Variants in STAG1 observed in about 807,000 individuals in gnomAD.
The protein encoded by STAG1 is cohesin subunit SA-1.
In STAG1, 26 loss-of-function variants were observed where a neutral mutation model predicts 170.9. That is an observed-to-expected ratio of 0.15 (90% confidence interval 0.11 to 0.21). STAG1 has a LOEUF of 0.21. Among genes scored for constraint, STAG1 ranks in the 10% least tolerant of loss-of-function variants. STAG1 has a pLI of 1.00. For synonymous variants in STAG1, 514 were observed against 497.7 expected, an observed-to-expected ratio of 1.03 and a Z score of -0.44; for missense variants, 964 against 1,509.5, an observed-to-expected ratio of 0.64 and a Z score of 5.99.
At chr3:136,556,944 A>T (rs925528921) in intron 5 of STAG1, among the ~76,000 whole-genome samples, 4 of 152,094 alleles carry the variant, frequency 2.6e-5, no homozygotes, top group Admixed American at 1.3e-4. Context: ...TAGTCAAGAA[A>T]TTTTTTGACC....
At chr3:136,558,958 T>C (rs1273272041) in intron 5 of STAG1, among the ~76,000 whole-genome samples, 1 of 152,278 alleles carries the variant, frequency 6.6e-6, no homozygotes, top group East Asian at 1.9e-4. Context: ...AATTGAACAC[T>C]GGGAAACTTT....
chr3:136,469,664 C>T (rs2107807888), intron 12 of STAG1, among the ~76,000 whole-genome samples: 1 of 152,290 alleles, frequency 6.6e-6, no homozygotes, highest in East Asian at 1.9e-4. Context: ...CAAAAAAGAG[C>T]TTGCATTGCC....
intron 7 of STAG1, among the ~76,000 whole-genome samples, chr3:136,504,552 A>G (rs531987352): frequency 6.6e-6 from 1 of 152,318 alleles, no homozygotes; most frequent in African/African-American, 2.4e-5. Flanking sequence ...CTGTATAAGG[A>G]AAGAGAACAG....
chr3:136,726,163 G>A (rs1468666554), intron 1 of STAG1, among the ~76,000 whole-genome samples: 1 of 152,006 alleles, frequency 6.6e-6, no homozygotes, highest in African/African-American at 2.4e-5. Flanking sequence ...TGACATTTTG[G>A]GCCAATAGTT....
At position 136,363,388 on chromosome 3, in the gene STAG1, G is replaced by C; in HGVS notation, c.2765C>G (p.Thr922Ser). ...RQIDKIQCAK[T>S]LILSLQQLFN... ...TACCTGTTGCAAACTGAGAATGAGA[G>C]TCTTGGCACACTGAATTTTATCAAT... The change falls in exon 26 of 34, where the codon ACT (threonine) becomes AGT (serine). Residue 922 changes from threonine to serine, a missense_variant. Physicochemically the swap from Thr to Ser is moderately conservative, Grantham distance 58 (BLOSUM62 1). This residue lies in a region of STAG1 where 149 missense variants were observed against 301.3 expected (regional missense o/e 0.49). Coordinates refer to ENST00000383202, the MANE Select transcript of STAG1 (RefSeq NM_005862.3). The C allele has an allele frequency of 5.6e-6, 9 of 1,601,538 alleles. No individual in the cohort carries two copies. The highest frequency in any genetic ancestry group is 7.7e-6 in the Non-Finnish European group (9 of 1,170,548).
intron 1 of STAG1, among the ~76,000 whole-genome samples, chr3:136,635,594 A>T (rs907997362): frequency 6.6e-6 from 1 of 152,214 alleles, no homozygotes; most frequent in Admixed American, 6.5e-5. Context: ...CCTTTTTCAC[A>T]TCACACTGGA....
At position 136,374,629 on chromosome 3, in the gene STAG1, A is replaced by AT. The variant is rs1175276334; in HGVS notation, c.2370+3030dup. The stretch of plus-strand genomic sequence containing the variant: ...CAAAACTCCGTCTCAAAAAAAAAAA[A>AT]TTTTTTTTTTTGTACAGCTGTTTAA... On this transcript the variant is annotated intron_variant, in intron 23 of 33. Coordinates refer to ENST00000383202, the MANE Select transcript of STAG1 (RefSeq NM_005862.3). 1.5e-3 allele frequency among the ~76,000 whole-genome samples: 230 copies of AT among 148,436 alleles called. 1 individual carries two copies. The highest frequency in any genetic ancestry group is 4.2e-3 in the African/African-American group (169 of 40,152).
intron 7 of STAG1, among the ~76,000 whole-genome samples, chr3:136,512,862 G>A (rs1483112235): frequency 6.6e-6 from 1 of 152,028 alleles, no homozygotes; most frequent in Non-Finnish European, 1.5e-5. Flanking sequence ...GAGCTTTTTA[G>A]TATCTCACTA....
chr3:136,704,717 T>C (rs1471040128), intron 1 of STAG1, among the ~76,000 whole-genome samples: 1 of 147,676 alleles, frequency 6.8e-6, no homozygotes, highest in Non-Finnish European at 1.5e-5. Flanking sequence ...TAGTCCCAAC[T>C]ACTCAGAAAG....
chr3:136,633,349 G>C (rs542516352), intron 1 of STAG1, among the ~76,000 whole-genome samples: 1 of 152,202 alleles, frequency 6.6e-6, no homozygotes, highest in South Asian at 2.1e-4. Flanking sequence ...GAGAAATTAA[G>C]ACATTCATAG....
intron 4 of STAG1, chr3:136,586,961 T>TA (rs1937860100): frequency 2.2e-6 from 1 of 450,710 alleles, no homozygotes; most frequent in Non-Finnish European, 4.4e-6. Flanking sequence ...TGGAGGGGCT[T>TA]AGATTCCTGA....
intron 27 of STAG1, among the ~76,000 whole-genome samples, chr3:136,358,862 C>T (rs1174492666): frequency 6.6e-6 from 1 of 152,152 alleles, no homozygotes; most frequent in Non-Finnish European, 1.5e-5. Context: ...GCGTGAACCA[C>T]CACACCCAGC....
At chr3:136,695,383 G>A (rs1023439129) in intron 1 of STAG1, among the ~76,000 whole-genome samples, 4 of 151,442 alleles carry the variant, frequency 2.6e-5, no homozygotes, top group African/African-American at 7.3e-5. Context: ...GTTGCAGTGC[G>A]CCGAGATTGC....
chr3:136,498,210 T>TTATATATATATATATA lies in STAG1; in HGVS notation c.902+1997_902+2012dup, dbSNP rs374645920. Among the ~76,000 whole-genome samples the TTATATATATATATATA allele has an allele frequency of 6.5e-4, 33 of 50,832 alleles. 1 individual carries two copies. The East Asian group carries it at 0.027, about 41-fold the overall frequency. 33.3% of individuals were successfully genotyped at this position (50,832 alleles called of 152,430 possible). ...TCCATCTTAAAAAAAAAAAAAAAAATTATATATATATATATATATATATAC... is the reference window on the plus strand; with the variant it reads ...TCCATCTTAAAAAAAAAAAAAAAAATTATATATATATATATATATATATATATATATATATATATAC... On this transcript the variant is annotated intron_variant, in intron 9 of 33. Coordinates refer to ENST00000383202, the MANE Select transcript of STAG1 (RefSeq NM_005862.3).
At chr3:136,466,191 G>A (rs886780935) in intron 12 of STAG1, among the ~76,000 whole-genome samples, 3 of 152,100 alleles carry the variant, frequency 2.0e-5, no homozygotes, top group Admixed American at 6.6e-5. Flanking sequence ...GGCTACAGAC[G>A]ATCAAACTTC....
chr3:136,357,956 G>A lies in STAG1; in HGVS notation c.2937-108C>T, dbSNP rs998297739. 9.1e-6 allele frequency: 8 copies of A among 883,062 alleles called. No homozygotes were observed. In the African/African-American group the frequency reaches 1.2e-4, roughly 13 times the overall value. The allele number at this position is 883,062 out of a possible 1,614,324, so 54.7% of individuals were successfully genotyped here. A position where few individuals can be genotyped will look rare whatever the true frequency, so the allele number is the denominator to read the frequency against. On this transcript the variant is annotated intron_variant, in intron 27 of 33. Transcript: ENST00000383202. ...GGTAGTAAAATTATCACAAAAGGTA[G>A]TAAAATCTGATAAATTCAAATAATA...
chr3:136,485,618 T>A (rs1044417521), intron 9 of STAG1, among the ~76,000 whole-genome samples: 1 of 152,234 alleles, frequency 6.6e-6, no homozygotes. Context: ...ATATATCCAC[T>A]GCTCAGCTAA....
chr3:136,367,551 T>C (rs1194811351), intron 24 of STAG1, among the ~76,000 whole-genome samples: 1 of 152,164 alleles, frequency 6.6e-6, no homozygotes, highest in African/African-American at 2.4e-5. Flanking sequence ...TGTGAAATTA[T>C]CTGATTACCT....
intron 15 of STAG1, among the ~76,000 whole-genome samples, chr3:136,439,138 G>A (rs548289745): frequency 4.2e-5 from 6 of 144,392 alleles, no homozygotes; most frequent in African/African-American, 1.5e-4. Flanking sequence ...GGAGGTTGCA[G>A]TGAGCCGAGA....
Sources: gnomAD v4.1 joint callset for allele counts (sites outside exome capture counted in the v4.1 genomes callset) on GRCh38, gnomAD v4.1.1 for gene constraint, gnomAD v4.1.1 regional missense constraint, MANE v1.5 for transcripts, NCBI Gene and HGNC (gene_info 2026-07-23, HGNC 2026-07-21) for gene names.